MAP4: variants seen among roughly 807,000 people sequenced by gnomAD.
MAP4 encodes the protein microtubule-associated protein 4.
MAP4 carries 76 observed loss-of-function variants against 170.2 expected under a neutral mutation model. The observed-to-expected ratio is 0.45, with a 90% confidence interval of 0.37 to 0.54. The LOEUF (loss-of-function observed/expected upper bound fraction) is 0.54, where lower values mean the gene tolerates loss of function less well. Ranked by LOEUF, MAP4 falls within the 20% of genes least tolerant of loss-of-function variation. The pLI, the probability that MAP4 is intolerant of heterozygous loss-of-function variation, is 0.00. For synonymous variants in MAP4, 909 were observed against 994.5 expected (o/e 0.91, Z 1.62); for missense variants, 2,506 against 2,748.0 (o/e 0.91, Z 1.97).
chr3:47,867,018 G>A (rs1460812946), intron 17 of MAP4, among the ~76,000 whole-genome samples: 4 of 152,176 alleles, frequency 2.6e-5, no homozygotes. Flanking sequence ...ACCCATATGG[G>A]TAAAAAGATA....
intron 3 of MAP4, among the ~76,000 whole-genome samples, chr3:47,940,564 G>T (rs1018221384): frequency 3.3e-5 from 5 of 152,182 alleles, no homozygotes; most frequent in African/African-American, 9.7e-5. Context: ...AAGGACAGGG[G>T]ACAGTTTTCT....
chr3:48,014,612 T>C (rs1005389627), intron 1 of MAP4, among the ~76,000 whole-genome samples: 4 of 151,964 alleles, frequency 2.6e-5, no homozygotes, highest in Admixed American at 6.6e-5. Context: ...TGAGCCACTA[T>C]TGCACCACTG....
intron 4 of MAP4, among the ~76,000 whole-genome samples, chr3:47,924,976 A>ACTC (rs2100044986): frequency 6.6e-6 from 1 of 151,928 alleles, no homozygotes; most frequent in Non-Finnish European, 1.5e-5. Context: ...ACACCTGGCT[A>ACTC]ATTTTTTGTA....
At chr3:47,999,847 A>T (rs1232738434) in intron 1 of MAP4, among the ~76,000 whole-genome samples, 9 of 182 alleles carry the variant, frequency 0.049, no homozygotes, top group Non-Finnish European at 0.14. Flanking sequence ...ATAAAGTTTA[A>T]AAAAAAAAAA....
At chr3:48,064,952 G>A (rs1191702764) in intron 1 of MAP4, among the ~76,000 whole-genome samples, 1 of 151,896 alleles carries the variant, frequency 6.6e-6, no homozygotes, top group East Asian at 1.9e-4. Flanking sequence ...TATATAGAAA[G>A]TACCCATCTC....
At chr3:47,923,205 C>G (rs1423581820) in intron 4 of MAP4, among the ~76,000 whole-genome samples, 1 of 151,794 alleles carries the variant, frequency 6.6e-6, no homozygotes, top group Non-Finnish European at 1.5e-5. Flanking sequence ...CCAACTAGTT[C>G]CTGAGTGACA....
chr3:47,996,204 C>T (rs1318432995), intron 2 of MAP4, among the ~76,000 whole-genome samples: 1 of 152,154 alleles, frequency 6.6e-6, no homozygotes, highest in Admixed American at 6.5e-5. Flanking sequence ...AGAAGACCGG[C>T]TGTAGCTAGG....
At chr3:47,918,936 GT>G (rs573432909) in intron 5 of MAP4, 95 bp from the exon 6 acceptor site, 2,037 of 973,406 alleles carry the variant, frequency 2.1e-3, no homozygotes, top group Non-Finnish European at 2.2e-3. Context: ...TGTTTTGTTT[GT>G]TTTTTTTTTG....
At chr3:47,969,558 C>T (rs928794521) in intron 3 of MAP4, among the ~76,000 whole-genome samples, 1 of 152,120 alleles carries the variant, frequency 6.6e-6, no homozygotes, top group African/African-American at 2.4e-5. Context: ...TTTGAAGTAA[C>T]CTCTTGGTTA....
intron 3 of MAP4, among the ~76,000 whole-genome samples, chr3:47,950,258 C>T (rs897323713): frequency 1.3e-5 from 2 of 152,196 alleles, no homozygotes; most frequent in African/African-American, 4.8e-5. Context: ...TGTTAACTTT[C>T]CCTTGTTCAA....
At chr3:48,067,630 ACCT>A (rs2083600163) in intron 1 of MAP4, among the ~76,000 whole-genome samples, 1 of 122,830 alleles carries the variant, frequency 8.1e-6, no homozygotes, top group African/African-American at 3.3e-5. Flanking sequence ...AACAAGAGAA[ACCT>A]TTTTTTTTTT....
At chr3:48,069,469 C>G (rs1399004549) in intron 1 of MAP4, among the ~76,000 whole-genome samples, 1 of 152,174 alleles carries the variant, frequency 6.6e-6, no homozygotes, top group Non-Finnish European at 1.5e-5. Flanking sequence ...AGTGCTATTA[C>G]TGCCATACTA....
rs186200710 is a variant in MAP4, at chr3:47,860,247, C to T, written c.6502-2735G>A. On this transcript the variant is annotated intron_variant, in intron 17 of 20. Coordinates refer to ENST00000683076, the MANE Select transcript of MAP4 (RefSeq NM_001385682.1). Reference sequence around the variant, plus strand: ...TCTTTTGAGACAGGGTCTCACTCTGCCACCCAGGATGAAGTGCAGAGGCAT... The same window carrying T: ...TCTTTTGAGACAGGGTCTCACTCTGTCACCCAGGATGAAGTGCAGAGGCAT... Among the ~76,000 whole-genome samples, 336 of 152,310 alleles carry T rather than the reference C, an allele frequency of 2.2e-3. 2 individuals carry two copies. Among genetic ancestry groups the T allele is most frequent in the Admixed American group, 3.7e-3 (57 of 15,302 alleles).
intron 3 of MAP4, among the ~76,000 whole-genome samples, chr3:47,940,707 G>A (rs143835112): frequency 6.6e-6 from 1 of 152,270 alleles, no homozygotes; most frequent in Admixed American, 6.5e-5. Context: ...CCAAGTGCAA[G>A]ATAGACTAAT....
intron 1 of MAP4, among the ~76,000 whole-genome samples, chr3:48,053,944 T>G (rs771094683): frequency 6.6e-6 from 1 of 152,176 alleles, no homozygotes; most frequent in Non-Finnish European, 1.5e-5. Flanking sequence ...CTTTTATAAT[T>G]TTTGTGTTTC....
At chr3:47,986,569 G>A (rs1179480176) in intron 2 of MAP4, among the ~76,000 whole-genome samples, 1 of 152,074 alleles carries the variant, frequency 6.6e-6, no homozygotes, top group African/African-American at 2.4e-5. Flanking sequence ...TCAAACTCCT[G>A]ACCTCAGGTG....
At chr3:47,995,530 C>T (rs1419592455) in intron 2 of MAP4, among the ~76,000 whole-genome samples, 1 of 152,082 alleles carries the variant, frequency 6.6e-6, no homozygotes, top group Admixed American at 6.6e-5. Context: ...GGATTACAGG[C>T]GTGAGCCACT....
Position 48,055,005 on chromosome 3 carries a change from C to T in MAP4, c.-20+33768G>A, listed in dbSNP as rs368016154. Among the ~76,000 whole-genome samples the T allele has an allele frequency of 3.2e-4, 49 of 152,238 alleles. No individual in the cohort carries two copies. In the South Asian group the frequency reaches 9.5e-3, roughly 30 times the overall value. On this transcript the variant is annotated intron_variant, in intron 1 of 18. Coordinates refer to the MAP4 transcript ENST00000360240. The stretch of plus-strand genomic sequence containing the variant: ...AGTGGGGAGCCTAGATTTCCAACCT[C>T]TCAAAGCTGTAATTAAGCACTCAAT...
intron 2 of MAP4, among the ~76,000 whole-genome samples, chr3:47,987,828 A>G (rs1453362696): frequency 2.0e-5 from 3 of 152,202 alleles, no homozygotes; most frequent in Non-Finnish European, 4.4e-5. Context: ...TGCATATGTT[A>G]AAGTCTGATG....
Sources: gnomAD v4.1 joint callset for allele counts (sites outside exome capture counted in the v4.1 genomes callset) on GRCh38, gnomAD v4.1.1 for gene constraint, MANE v1.5 for transcripts, NCBI Gene and HGNC (gene_info 2026-07-23, HGNC 2026-07-21) for gene names.